The following NCAM1 variants were observed in gnomAD, a reference collection of about 807,000 sequenced individuals.
The protein encoded by NCAM1 is antigen recognized by monoclonal antibody 5.1H11.
NCAM1 carries 14 observed loss-of-function variants against 109.8 expected under a neutral mutation model. The observed-to-expected ratio is 0.13, with a 90% CI of 0.08 to 0.20. NCAM1 has a LOEUF of 0.20. Ranked by LOEUF, NCAM1 falls within the 10% of genes least tolerant of loss-of-function variation. The pLI, the probability that NCAM1 is intolerant of heterozygous loss-of-function variation, is 1.00. For missense variants in NCAM1, 774 were observed against 1,109.9 expected (o/e 0.70, Z 4.30); for synonymous variants, 418 against 442.9 (o/e 0.94, Z 0.70).
At chr11:113,207,494 C>A in intron 6 of NCAM1, 116 bp downstream of exon 6, 1 of 793,306 alleles carries the variant, frequency 1.3e-6, no homozygotes, top group Non-Finnish European at 2.0e-6. Flanking sequence ...AATATTAACC[C>A]CAGGAGAAGA....
At chr11:113,062,747 G>A (rs1937729569) in intron 1 of NCAM1, among the ~76,000 whole-genome samples, 1 of 152,148 alleles carries the variant, frequency 6.6e-6, no homozygotes, top group African/African-American at 2.4e-5. Flanking sequence ...CGAGGCAGGA[G>A]GATTGCTTGA....
chr11:112,966,293 A>T (rs1485522720), intron 1 of NCAM1, among the ~76,000 whole-genome samples: 5 of 152,204 alleles, frequency 3.3e-5, no homozygotes, highest in Non-Finnish European at 7.3e-5. Flanking sequence ...TCCTTTGGTT[A>T]AAAAGAAAGA....
chr11:113,057,277 G>A (rs1180043200), intron 1 of NCAM1, among the ~76,000 whole-genome samples: 1 of 152,014 alleles, frequency 6.6e-6, no homozygotes. Context: ...AGACAGAGAG[G>A]GGACAACATT....
chr11:113,265,029 G>T, intron 17 of NCAM1: 7 of 985,440 alleles, frequency 7.1e-6, no homozygotes, highest in Non-Finnish European at 8.4e-6. Flanking sequence ...TGCTGCCCAT[G>T]CTCCACACAC....
intron 1 of NCAM1, among the ~76,000 whole-genome samples, chr11:113,146,384 C>G (rs1942018505): frequency 1.3e-5 from 2 of 152,052 alleles, no homozygotes; most frequent in Admixed American, 1.3e-4. Context: ...AATCTGATTG[C>G]TAAATGAACC....
At chr11:113,139,756 C>CAA (rs536684641) in intron 1 of NCAM1, among the ~76,000 whole-genome samples, 1 of 142,326 alleles carries the variant, frequency 7.0e-6, no homozygotes, top group Admixed American at 7.0e-5. Context: ...ACATTTTCAG[C>CAA]AAAAAAAAAA....
At chr11:113,016,519 A>C (rs1395507900) in intron 1 of NCAM1, among the ~76,000 whole-genome samples, 1 of 152,204 alleles carries the variant, frequency 6.6e-6, no homozygotes, top group Non-Finnish European at 1.5e-5. Flanking sequence ...GGCTTAAGAC[A>C]GGAATACTTG....
intron 1 of NCAM1, among the ~76,000 whole-genome samples, chr11:113,045,233 C>G (rs1314744135): frequency 6.6e-6 from 1 of 152,146 alleles, no homozygotes; most frequent in South Asian, 2.1e-4. Context: ...GTTTGTTTCC[C>G]CTGTCAGTAA....
chr11:113,115,669 C>G (rs1361711635), intron 1 of NCAM1, among the ~76,000 whole-genome samples: 1 of 152,216 alleles, frequency 6.6e-6, no homozygotes, highest in Non-Finnish European at 1.5e-5. Context: ...CAATGAGATA[C>G]CTGTTACACA....
chr11:113,075,226 T>A (rs1248535207), intron 1 of NCAM1, among the ~76,000 whole-genome samples: 1 of 151,920 alleles, frequency 6.6e-6, no homozygotes, highest in Admixed American at 6.6e-5. Context: ...ACAACCACAC[T>A]CGGCAAATTT....
chr11:113,126,169 AAT>A (rs1491047261), intron 1 of NCAM1, among the ~76,000 whole-genome samples: 2 of 151,536 alleles, frequency 1.3e-5, no homozygotes, highest in East Asian at 1.9e-4. Flanking sequence ...AAAAAAAAAA[AAT>A]AGTAAGAATA....
intron 1 of NCAM1, among the ~76,000 whole-genome samples, chr11:113,028,261 G>A (rs1352810887): frequency 1.3e-5 from 2 of 151,954 alleles, no homozygotes; most frequent in South Asian, 2.1e-4. Context: ...ATTATACAAC[G>A]TATACATGTA....
In NCAM1 at chr11:113,208,018, G is replaced by T. The variant is rs1944287847; in HGVS notation, c.916+16G>T. The stretch of plus-strand genomic sequence containing the variant: ...AAAGTCTTTGGTAGGGGCAGTGGGG[G>T]CCCAGGTCACTGCTCTGCCACAATT... On this transcript the variant is annotated intron_variant, in intron 7 of 19. Transcript: ENST00000316851. The T allele has an allele frequency of 6.3e-7, 1 of 1,597,150 alleles. No homozygotes were observed.
intron 1 of NCAM1, among the ~76,000 whole-genome samples, chr11:113,080,705 CA>C (rs1317094190): frequency 6.6e-6 from 1 of 152,218 alleles, no homozygotes; most frequent in Non-Finnish European, 1.5e-5. Context: ...GCTGTGACTA[CA>C]TTGCCAAAAC....
At chr11:113,267,848 A>G (rs1302855181) in intron 17 of NCAM1, among the ~76,000 whole-genome samples, 1 of 152,234 alleles carries the variant, frequency 6.6e-6, no homozygotes, top group Non-Finnish European at 1.5e-5. Flanking sequence ...TCAAGCACAT[A>G]GAGCAGCTTT....
intron 8 of NCAM1, among the ~76,000 whole-genome samples, chr11:113,220,029 G>A (rs1555114969): frequency 6.6e-6 from 1 of 152,184 alleles, no homozygotes; most frequent in Non-Finnish European, 1.5e-5. Context: ...GGGTTGCGTT[G>A]CTATGATTCT....
intron 14 of NCAM1, among the ~76,000 whole-genome samples, chr11:113,239,216 A>C (rs1431931565): frequency 6.6e-6 from 1 of 152,208 alleles, no homozygotes; most frequent in East Asian, 1.9e-4. Context: ...AGACCAACAA[A>C]TAAAACTCTA....
intron 1 of NCAM1, among the ~76,000 whole-genome samples, chr11:113,072,617 G>A (rs1234168610): frequency 6.6e-6 from 1 of 152,006 alleles, no homozygotes; most frequent in Non-Finnish European, 1.5e-5. Flanking sequence ...AACCTCATCT[G>A]GTGCACATTT....
intron 1 of NCAM1, among the ~76,000 whole-genome samples, chr11:113,005,507 G>A (rs115586146): frequency 9.4e-4 from 143 of 152,276 alleles, no homozygotes; most frequent in African/African-American, 3.4e-3. Flanking sequence ...AAGGAGATTA[G>A]TGGGGAGAGG....
Sources: allele counts gnomAD v4.1 joint callset (sites outside exome capture counted in the v4.1 genomes callset), GRCh38; gene constraint gnomAD v4.1.1; transcripts MANE v1.5; gene names NCBI Gene and HGNC (gene_info 2026-07-23, HGNC 2026-07-21).